GLI3: variants seen among roughly 807,000 people sequenced by gnomAD.
The protein encoded by GLI3 is transcription activator GLI3.
A neutral mutation model predicts 100.8 loss-of-function variants in GLI3; 20 were observed. The ratio of observed to expected loss-of-function variants is 0.20; its 90% CI spans 0.14 to 0.29. The LOEUF is 0.29. GLI3 is among the 10% of genes least tolerant of loss of function. The pLI, the probability that GLI3 is intolerant of heterozygous loss-of-function variation, is 1.00. For synonymous variants in GLI3, 938 were observed against 860.5 expected (o/e 1.09, Z -1.58); for missense variants, 2,040 against 2,128.5 (o/e 0.96, Z 0.82).
chr7:42,135,442 T>C (rs538997815), intron 3 of GLI3, among the ~76,000 whole-genome samples: 2 of 152,286 alleles, frequency 1.3e-5, no homozygotes, highest in Admixed American at 6.5e-5. Flanking sequence ...ATATCTCAGG[T>C]CAAATCAAGT....
rs1277221610 is a variant in GLI3, at chr7:41,965,827, A to T, written c.3246T>A (p.Ala1082=). ...AATCCTCATCGTTCAGGTTGGCATC[A>T]GCGTCCATGGTCAGGGACTCCAGGG... ...NVTLESLTMD[A]DANLNDEDFL... The change falls in exon 15 of 15, where the codon GCT becomes GCA. Residue 1082 remains alanine, a synonymous_variant. Coordinates refer to ENST00000395925, the MANE Select transcript of GLI3 (RefSeq NM_000168.6). 1 of 1,612,694 alleles carries T rather than the reference A, an allele frequency of 6.2e-7. No homozygotes were observed. Among genetic ancestry groups the T allele is most frequent in the East Asian group, 2.2e-5 (1 of 44,722 alleles).
intron 12 of GLI3, among the ~76,000 whole-genome samples, chr7:41,973,615 C>T (rs745806333): frequency 4.6e-5 from 7 of 152,210 alleles, no homozygotes; most frequent in African/African-American, 1.7e-4. Context: ...ATATTTATAT[C>T]TATGTATAGC....
chr7:42,176,115 C>T (rs111802075), intron 2 of GLI3, among the ~76,000 whole-genome samples: 5 of 152,206 alleles, frequency 3.3e-5, no homozygotes, highest in South Asian at 2.1e-4. Flanking sequence ...GCATGGTGAC[C>T]GAAACAGGGA....
At chr7:42,005,059 T>A (rs1788414382) in intron 10 of GLI3, among the ~76,000 whole-genome samples, 1 of 152,126 alleles carries the variant, frequency 6.6e-6, no homozygotes, top group Non-Finnish European at 1.5e-5. Context: ...CACATACATA[T>A]GATGAAAGCA....
Position 41,972,526 on chromosome 7 carries a change from G to A in GLI3, c.1914C>T (p.Val638=). The change falls in exon 13 of 15, where the codon GTC becomes GTT. Residue 638 remains valine (V), a synonymous_variant. Transcript: ENST00000395925. The surrounding 1 kb of genome is among the most constrained non-coding windows in gnomAD (Gnocchi z 4.4). The part of the protein sequence containing the change: ...VKTVHGPEAH[V]TKKQRGDIHP... ...GGATGTCCCCTCGCTGCTTCTTGGTGACATGAGCCTCTGGGCCATGCACTG... is the reference window on the plus strand; with the variant it reads ...GGATGTCCCCTCGCTGCTTCTTGGTAACATGAGCCTCTGGGCCATGCACTG... 1 of 1,613,164 alleles carries A rather than the reference G, an allele frequency of 6.2e-7. No homozygotes were observed. Among genetic ancestry groups the A allele is most frequent in the Non-Finnish European group, 8.5e-7 (1 of 1,179,994 alleles).
chr7:42,187,224 AAAC>A (rs1294069839), intron 2 of GLI3, among the ~76,000 whole-genome samples: 6 of 151,986 alleles, frequency 3.9e-5, no homozygotes, highest in Non-Finnish European at 1.5e-5. Flanking sequence ...AAAAAAAAAA[AAAC>A]ATGAAGAAGA....
At chr7:42,006,863 G>A (rs1292216940) in intron 10 of GLI3, among the ~76,000 whole-genome samples, 2 of 151,978 alleles carry the variant, frequency 1.3e-5, no homozygotes, top group African/African-American at 2.4e-5. Context: ...ATTTCTATTT[G>A]GTTCTTTTTA....
intron 3 of GLI3, among the ~76,000 whole-genome samples, chr7:42,098,850 C>G (rs938989954): frequency 6.6e-6 from 1 of 152,072 alleles, no homozygotes; most frequent in Non-Finnish European, 1.5e-5. Context: ...GAGGATAGGT[C>G]GCAAATATCA....
chr7:42,236,716 G>A lies in GLI3; in HGVS notation c.-43+255C>T, dbSNP rs533642447. Among the ~76,000 whole-genome samples, 17 of 152,344 alleles carry A rather than the reference G, an allele frequency of 1.1e-4. 1 individual carries two copies. The East Asian group carries it at 2.9e-3, about 26-fold the overall frequency. ...GCAAACTTCGTCCCCCCTCCGGGAG[G>A]TGAAATTCTCCAATCCGTCTCCGGC... is the stretch of plus-strand genomic sequence containing the variant. On this transcript the variant is annotated intron_variant, in intron 1 of 14. Coordinates refer to ENST00000395925, the MANE Select transcript of GLI3 (RefSeq NM_000168.6).
chr7:42,255,557 C>T (rs1392987523), intron 1 of GLI3, among the ~76,000 whole-genome samples: 1 of 152,212 alleles, frequency 6.6e-6, no homozygotes, highest in African/African-American at 2.4e-5. Flanking sequence ...ATTTCATATA[C>T]ACAGAATCAT....
intron 2 of GLI3, among the ~76,000 whole-genome samples, chr7:42,202,186 T>G (rs1554339093): frequency 6.6e-6 from 1 of 152,310 alleles, no homozygotes. Context: ...GAATGCATTT[T>G]TTTAAAAACA....
In GLI3 at chr7:42,076,869, A is replaced by G. The variant is rs780163298; in HGVS notation, c.368-12T>C. The G allele has an allele frequency of 6.7e-7, 1 of 1,491,050 alleles. No homozygotes were observed. Among genetic ancestry groups the G allele is most frequent in the Non-Finnish European group, 9.4e-7 (1 of 1,067,754 alleles). 92.4% of individuals were successfully genotyped at this position (1,491,050 alleles called of 1,614,324 possible). A position where few individuals can be genotyped will look rare whatever the true frequency, so the allele number is the denominator to read the frequency against. ...AAGATGAGGAGGGTCTGAAAAGAAG[A>G]GAGAGCCCAATCTATATCAAATGAA... On this transcript the variant is annotated splice_polypyrimidine_tract_variant and intron_variant, in intron 3 of 14. Transcript: ENST00000395925.
At chr7:42,257,689 C>A (rs545125571) in intron 1 of GLI3, among the ~76,000 whole-genome samples, 2 of 152,182 alleles carry the variant, frequency 1.3e-5, no homozygotes, top group Admixed American at 1.3e-4. Flanking sequence ...GTGGATATTT[C>A]ACAGATTCCC....
At chr7:42,065,337 A>G (rs2128748557) in intron 4 of GLI3, among the ~76,000 whole-genome samples, 1 of 151,972 alleles carries the variant, frequency 6.6e-6, no homozygotes, top group African/African-American at 2.4e-5. Context: ...TTAAGAGTAG[A>G]AATTCTCATG....
intron 10 of GLI3, among the ~76,000 whole-genome samples, chr7:41,985,755 T>C (rs1417551121): frequency 6.6e-6 from 1 of 152,176 alleles, no homozygotes; most frequent in Non-Finnish European, 1.5e-5. Flanking sequence ...ATGATGTGGA[T>C]TATATTGGGG....
chr7:42,138,766 C>T (rs1786491026), intron 3 of GLI3, among the ~76,000 whole-genome samples: 1 of 152,242 alleles, frequency 6.6e-6, no homozygotes, highest in Non-Finnish European at 1.5e-5. Flanking sequence ...AAACAGGCAC[C>T]TCCTTTTACT....
At chr7:42,062,608 T>C (rs1235002053) in intron 4 of GLI3, among the ~76,000 whole-genome samples, 1 of 152,150 alleles carries the variant, frequency 6.6e-6, no homozygotes, top group Non-Finnish European at 1.5e-5. Context: ...ATTTTTATAT[T>C]AACAACATTT....
At chr7:42,041,612 G>A (rs1216924865) in intron 6 of GLI3, among the ~76,000 whole-genome samples, 1 of 152,020 alleles carries the variant, frequency 6.6e-6, no homozygotes, top group African/African-American at 2.4e-5. Flanking sequence ...GCGGTACCCA[G>A]AACAACTGAA....
At position 42,025,237 on chromosome 7, in the gene GLI3, C is replaced by A. The variant is rs560021957; in HGVS notation, c.1356+27G>T. ...ACACCAGTCTTGGGAGGAGTGGGCGCTGGCCTGTGCGGCCTCGGTGTCCTA... is the reference window on the plus strand; with the variant it reads ...ACACCAGTCTTGGGAGGAGTGGGCGATGGCCTGTGCGGCCTCGGTGTCCTA... On this transcript the variant is annotated intron_variant, in intron 9 of 14. Coordinates refer to ENST00000395925, the MANE Select transcript of GLI3 (RefSeq NM_000168.6). 16 of 1,474,284 alleles carry A rather than the reference C, an allele frequency of 1.1e-5. 1 individual carries two copies. In the African/African-American group the frequency reaches 1.4e-4, roughly 13 times the overall value. The allele number at this position is 1,474,284 out of a possible 1,614,324, so 91.3% of individuals were successfully genotyped here.
Sources: gnomAD v4.1 joint callset for allele counts (sites outside exome capture counted in the v4.1 genomes callset) on GRCh38, gnomAD v4.1.1 for gene constraint, Gnocchi (gnomAD v3.1) non-coding constraint, MANE v1.5 for transcripts, NCBI Gene and HGNC (gene_info 2026-07-23, HGNC 2026-07-21) for gene names.